ROBO2: variants seen among roughly 807,000 people sequenced by gnomAD.
ROBO2 encodes roundabout guidance receptor 2.
A neutral mutation model predicts 160.8 loss-of-function variants in ROBO2; 53 were observed. The ratio of observed to expected loss-of-function variants is 0.33; its 90% CI spans 0.26 to 0.41. ROBO2 has a LOEUF of 0.41. ROBO2 is among the 10% of genes least tolerant of loss of function. ROBO2 has a pLI of 1.00. For synonymous variants in ROBO2, 664 were observed against 611.7 expected (o/e 1.09, Z -1.26); for missense variants, 1,577 against 1,722.4 (o/e 0.92, Z 1.49).
At chr3:75,953,334 G>T (rs1402008223) in intron 2 of ROBO2, among the ~76,000 whole-genome samples, 5 of 151,854 alleles carry the variant, frequency 3.3e-5, no homozygotes, top group African/African-American at 1.2e-4. Flanking sequence ...CTGTTGCTAT[G>T]ACTTGCAGTT....
chr3:77,009,945 T>TAAAAA (rs11436984), intron 2 of ROBO2, among the ~76,000 whole-genome samples: 11 of 104,454 alleles, frequency 1.1e-4, no homozygotes, highest in Middle Eastern at 5.5e-3. Context: ...GACTCTGTCT[T>TAAAAA]AAAAAAAAAA....
chr3:76,569,256 C>A (rs1235595118), intron 2 of ROBO2, among the ~76,000 whole-genome samples: 2 of 151,892 alleles, frequency 1.3e-5, no homozygotes, highest in Non-Finnish European at 2.9e-5. Flanking sequence ...GGGTCTAGAA[C>A]AATAAGGGAT....
intron 2 of ROBO2, among the ~76,000 whole-genome samples, chr3:77,414,092 GA>G (rs532679995): frequency 0.013 from 2,000 of 151,698 alleles, 45 homozygotes; most frequent in African/African-American, 0.044. Context: ...AGGAGACTGA[GA>G]AAAAAAGAAA....
chr3:77,012,694 T>A (rs922095128), intron 2 of ROBO2, among the ~76,000 whole-genome samples: 8 of 152,208 alleles, frequency 5.3e-5, no homozygotes, highest in African/African-American at 1.9e-4. Flanking sequence ...TTTGGCTGAT[T>A]GTCAGAATTG....
At chr3:77,438,806 T>C (rs1560834332) in intron 2 of ROBO2, among the ~76,000 whole-genome samples, 1 of 152,034 alleles carries the variant, frequency 6.6e-6, no homozygotes, top group Non-Finnish European at 1.5e-5. Flanking sequence ...ACTTTTAAAG[T>C]ATATGCAGAA....
chr3:76,681,713 AG>A (rs2092566896), intron 2 of ROBO2, among the ~76,000 whole-genome samples: 1 of 151,922 alleles, frequency 6.6e-6, no homozygotes, highest in Non-Finnish European at 1.5e-5. Flanking sequence ...AAAGAGGGTC[AG>A]TGTGGCTGGA....
At chr3:76,741,125 C>T (rs867593433) in intron 2 of ROBO2, among the ~76,000 whole-genome samples, 1 of 151,998 alleles carries the variant, frequency 6.6e-6, no homozygotes, top group African/African-American at 2.4e-5. Context: ...TTGGTGGGGA[C>T]TCGGTTTATA....
At chr3:77,088,396 TTTTA>T (rs1235245057) in intron 1 of ROBO2, among the ~76,000 whole-genome samples, 3 of 152,144 alleles carry the variant, frequency 2.0e-5, no homozygotes, top group Non-Finnish European at 4.4e-5. Flanking sequence ...ATTTGTTACA[TTTTA>T]TTTTATTTTA....
In ROBO2 at chr3:76,904,240, A is replaced by G. The variant is rs116668654; in HGVS notation, c.110-193774A>G. ...AGTGTATCCTTAATGATGTGTGCCT[A>G]TTTCTGCTAGGGTAAAGACATGATT... On this transcript the variant is annotated intron_variant, in intron 2 of 26. Coordinates refer to the ROBO2 transcript ENST00000487694. Among the ~76,000 whole-genome samples, 590 of 152,240 alleles carry G rather than the reference A, an allele frequency of 3.9e-3. 2 individuals carry two copies. Among genetic ancestry groups the G allele is most frequent in the African/African-American group, 0.013 (561 of 41,558 alleles).
intron 2 of ROBO2, among the ~76,000 whole-genome samples, chr3:76,475,119 A>AG (rs1439959161): frequency 6.6e-6 from 1 of 151,852 alleles, no homozygotes. Flanking sequence ...ACGGGGGAAA[A>AG]AAAGGGGGTA....
At chr3:76,129,607 T>A (rs537688589) in intron 2 of ROBO2, among the ~76,000 whole-genome samples, 4 of 152,188 alleles carry the variant, frequency 2.6e-5, no homozygotes, top group African/African-American at 7.2e-5. Context: ...TGATTCAACA[T>A]CCCCACTAAG....
chr3:76,542,181 G>A (rs1428874551), intron 2 of ROBO2, among the ~76,000 whole-genome samples: 2 of 151,904 alleles, frequency 1.3e-5, no homozygotes, highest in African/African-American at 4.8e-5. Context: ...GCATGTTTAG[G>A]TGCCTTCTAT....
intron 2 of ROBO2, among the ~76,000 whole-genome samples, chr3:76,991,127 G>T (rs1056475052): frequency 6.6e-6 from 1 of 151,968 alleles, no homozygotes; most frequent in Non-Finnish European, 1.5e-5. Flanking sequence ...CTTTCACGAC[G>T]GCTCTAAAAC....
At chr3:76,268,239 C>T (rs1576179661) in intron 2 of ROBO2, among the ~76,000 whole-genome samples, 1 of 151,542 alleles carries the variant, frequency 6.6e-6, no homozygotes, top group Admixed American at 6.6e-5. Flanking sequence ...CATTGCACCC[C>T]ATCCTGGGCA....
chr3:76,715,074 A>C (rs1432006992), intron 2 of ROBO2, among the ~76,000 whole-genome samples: 2 of 152,126 alleles, frequency 1.3e-5, no homozygotes, highest in Admixed American at 6.5e-5. Context: ...TTGTATTTGC[A>C]CAATGATTAG....
intron 2 of ROBO2, among the ~76,000 whole-genome samples, chr3:77,432,511 G>A (rs1229948120): frequency 6.6e-6 from 1 of 152,168 alleles, no homozygotes; most frequent in Non-Finnish European, 1.5e-5. Context: ...AGACCAGGGT[G>A]TGGGGAAGCT....
intron 2 of ROBO2, among the ~76,000 whole-genome samples, chr3:77,209,732 A>G (rs1379621339): frequency 6.6e-6 from 1 of 152,184 alleles, no homozygotes; most frequent in Non-Finnish European, 1.5e-5. Flanking sequence ...AAATTAGAGG[A>G]TTGAAGTAGA....
intron 2 of ROBO2, among the ~76,000 whole-genome samples, chr3:76,746,088 G>C (rs1196686967): frequency 6.7e-6 from 1 of 150,024 alleles, no homozygotes; most frequent in Non-Finnish European, 1.5e-5. Context: ...ACAGTGTTTG[G>C]TTTTTTGTTC....
At chr3:77,412,729 T>C (rs2076902861) in intron 2 of ROBO2, among the ~76,000 whole-genome samples, 8 of 152,188 alleles carry the variant, frequency 5.3e-5, no homozygotes, top group Admixed American at 5.2e-4. Flanking sequence ...AATGCTTTCC[T>C]AATCCATTTC....
Sources: gnomAD v4.1 joint callset for allele counts (sites outside exome capture counted in the v4.1 genomes callset) on GRCh38, gnomAD v4.1.1 for gene constraint, MANE v1.5 for transcripts, NCBI Gene and HGNC (gene_info 2026-07-23, HGNC 2026-07-21) for gene names.